The following CUX2 variants were observed in gnomAD, a reference collection of about 807,000 sequenced individuals.
The protein encoded by CUX2 is cut like homeobox 2.
CUX2 carries 40 observed loss-of-function variants against 144.8 expected under a neutral mutation model. That is an observed-to-expected ratio of 0.28 (90% CI 0.21 to 0.36). The LOEUF is 0.36. Among genes scored for constraint, CUX2 ranks in the 10% least tolerant of loss-of-function variants. The pLI is 1.00. For missense variants in CUX2, 1,615 were observed against 1,994.0 expected (o/e 0.81, Z 3.62); for synonymous variants, 827 against 875.6 (o/e 0.94, Z 0.98).
At position 111,061,487 on chromosome 12, in the gene CUX2, A is replaced by G. The variant is rs1870772403; in HGVS notation, c.63+27247A>G. Among the ~76,000 whole-genome samples, 1 of 152,186 alleles carries G rather than the reference A, an allele frequency of 6.6e-6. No homozygotes were observed. Among genetic ancestry groups the G allele is most frequent in the African/African-American group, 2.4e-5 (1 of 41,448 alleles). ...TTATGGAAGACAAAGTCGCCCCATT[A>G]TCGGAGGGCTTTACAAATAGAGAAA... On this transcript the variant is annotated intron_variant, in intron 1 of 21. Transcript: ENST00000261726. The surrounding 1 kb of genome is among the most constrained non-coding windows in gnomAD (Gnocchi z 4.2).
intron 4 of CUX2, among the ~76,000 whole-genome samples, chr12:111,267,686 C>T (rs1884452679): frequency 6.6e-6 from 1 of 152,216 alleles, no homozygotes; most frequent in Admixed American, 6.5e-5. Context: ...TATACTTTCT[C>T]TGAAGGCTCA....
intron 1 of CUX2, among the ~76,000 whole-genome samples, chr12:111,162,266 T>C (rs896981424): frequency 2.7e-4 from 41 of 152,190 alleles, no homozygotes; most frequent in African/African-American, 9.6e-4. Context: ...TCTGTTCCCC[T>C]ACCCCAGCCC....
At chr12:111,108,162 G>A (rs1361067066) in intron 1 of CUX2, among the ~76,000 whole-genome samples, 1 of 152,180 alleles carries the variant, frequency 6.6e-6, no homozygotes, top group African/African-American at 2.4e-5. Context: ...TGAGAATGCA[G>A]GGTGTTTACT....
Position 111,312,259 on chromosome 12 carries a change from G to A in CUX2, c.2002+58G>A. The A allele has an allele frequency of 1.4e-6, 2 of 1,456,478 alleles. No individual in the cohort carries two copies. The highest frequency in any genetic ancestry group is 2.5e-5 in the East Asian group (1 of 40,056). The allele number at this position is 1,456,478 out of a possible 1,614,324, so 90.2% of individuals were successfully genotyped here. On this transcript the variant is annotated intron_variant, in intron 16 of 21. Transcript: ENST00000261726. The surrounding 1 kb of genome is among the most constrained non-coding windows in gnomAD (Gnocchi z 4.3). ...CCCCCGGGGCCAGCTGCGAACAGGA[G>A]ATGAGGCTTCGTCTACCTTTGTCCA...
chr12:111,253,453 A>G (rs1188023033), intron 3 of CUX2, among the ~76,000 whole-genome samples: 9 of 151,064 alleles, frequency 6.0e-5, no homozygotes, highest in Non-Finnish European at 1.3e-4. Flanking sequence ...ACTCTTTCCC[A>G]AAGCTCCCCA....
chr12:111,036,516 A>G (rs76518476), intron 1 of CUX2, among the ~76,000 whole-genome samples: 3,113 of 152,116 alleles, frequency 0.02, 35 homozygotes, highest in Middle Eastern at 0.068. Flanking sequence ...TAGAAGATGC[A>G]TAGATGGAAA....
At chr12:111,276,644 TTTG>T (rs1335274929) in intron 4 of CUX2, among the ~76,000 whole-genome samples, 2 of 116,762 alleles carry the variant, frequency 1.7e-5, no homozygotes, top group African/African-American at 1.0e-4. Context: ...TGTTTGTTTG[TTTG>T]TTTTGTTTTG....
chr12:111,179,593 GGTTGTTGTTGTT>G (rs150316221), intron 1 of CUX2, among the ~76,000 whole-genome samples: 2 of 151,282 alleles, frequency 1.3e-5, no homozygotes, highest in African/African-American at 4.9e-5. Context: ...CCATCGCCGT[GGTTGTTGTTGTT>G]GTTGTTGTTG....
chr12:111,082,112 G>C lies in CUX2; in HGVS notation c.63+47872G>C, dbSNP rs534474356. Among the ~76,000 whole-genome samples the C allele has an allele frequency of 3.9e-5, 6 of 152,286 alleles. No individual in the cohort carries two copies. In the East Asian group the frequency reaches 1.2e-3, roughly 29 times the overall value. On this transcript the variant is annotated intron_variant, in intron 1 of 21. Transcript: ENST00000261726. ...AGCATAGAGAATGTATCATTTTGCCGTTTTAAATCAACCTTCTACAAAAGG... is the reference window on the plus strand; with the variant it reads ...AGCATAGAGAATGTATCATTTTGCCCTTTTAAATCAACCTTCTACAAAAGG...
intron 3 of CUX2, among the ~76,000 whole-genome samples, chr12:111,251,874 C>G (rs1309144050): frequency 6.6e-6 from 1 of 152,064 alleles, no homozygotes; most frequent in Non-Finnish European, 1.5e-5. Context: ...GTCTGTCTCT[C>G]TGTCTCTCTA....
At chr12:111,294,295 A>T (rs757705006) in intron 6 of CUX2, among the ~76,000 whole-genome samples, 5 of 152,162 alleles carry the variant, frequency 3.3e-5, no homozygotes, top group Non-Finnish European at 7.3e-5. Flanking sequence ...TTTAGCAGAG[A>T]CAGGATTTCA....
At position 111,081,422 on chromosome 12, in the gene CUX2, G is replaced by A. The variant is rs1871878618; in HGVS notation, c.63+47182G>A. Reference sequence around the variant, plus strand: ...AAAGCCACTGCCAAGCAGCACATGTGGTGTAGTTTCTGTAAATTAAGAAAG... The same window carrying A: ...AAAGCCACTGCCAAGCAGCACATGTAGTGTAGTTTCTGTAAATTAAGAAAG... On this transcript the variant is annotated intron_variant, in intron 1 of 21. Coordinates refer to ENST00000261726, the MANE Select transcript of CUX2 (RefSeq NM_015267.4). Among the ~76,000 whole-genome samples, 6 of 152,084 alleles carry A rather than the reference G, an allele frequency of 3.9e-5. No homozygotes were observed. The South Asian group carries it at 1.2e-3, about 32-fold the overall frequency.
chr12:111,319,966 G>A lies in CUX2; in HGVS notation c.2003-46G>A, dbSNP rs748576119. ...CTGTGAACATCGTCCCCTGCATGCC[G>A]AGCCCTGACCCTGGGCCTCGGGCCG... On this transcript the variant is annotated intron_variant, in intron 16 of 21. Transcript: ENST00000261726. 3.0e-5 allele frequency: 42 copies of A among 1,422,926 alleles called. No individual in the cohort carries two copies. The Admixed American group carries it at 3.0e-4, about 10-fold the overall frequency. 88.1% of individuals were successfully genotyped at this position (1,422,926 alleles called of 1,614,324 possible).
intron 1 of CUX2, among the ~76,000 whole-genome samples, chr12:111,204,847 G>A (rs1349789681): frequency 6.6e-6 from 1 of 152,182 alleles, no homozygotes; most frequent in East Asian, 1.9e-4. Context: ...CTGGGAGTTT[G>A]CTAAGAAGTT....
chr12:111,263,915 T>A lies in CUX2; in HGVS notation c.301+76T>A. The A allele has an allele frequency of 7.2e-7, 1 of 1,382,676 alleles. No homozygotes were observed. Among genetic ancestry groups the A allele is most frequent in the East Asian group, 2.3e-5 (1 of 43,706 alleles). 85.7% of individuals were successfully genotyped at this position (1,382,676 alleles called of 1,614,324 possible). A position where few individuals can be genotyped will look rare whatever the true frequency, so the allele number is the denominator to read the frequency against. On this transcript the variant is annotated intron_variant, in intron 4 of 21. Transcript: ENST00000261726. The surrounding 1 kb of genome is among the most constrained non-coding windows in gnomAD (Gnocchi z 4.0). ...CATTAGGACTGTGACACAGGGACTT[T>A]GAGGTGGGATGTGGGGACATGCCTG... is the stretch of plus-strand genomic sequence containing the variant.
intron 4 of CUX2, among the ~76,000 whole-genome samples, chr12:111,285,881 G>C (rs1421326077): frequency 6.6e-6 from 1 of 152,262 alleles, no homozygotes; most frequent in Admixed American, 6.5e-5. Flanking sequence ...GGGCAGCACA[G>C]TGTGAGAGGA....
intron 20 of CUX2, among the ~76,000 whole-genome samples, chr12:111,339,053 CA>C (rs1181220357): frequency 6.6e-6 from 1 of 151,936 alleles, no homozygotes; most frequent in East Asian, 1.9e-4. Flanking sequence ...GCCAATATGG[CA>C]AAACCCTGTC....
intron 1 of CUX2, among the ~76,000 whole-genome samples, chr12:111,156,927 A>G (rs866252301): frequency 6.4e-5 from 9 of 139,790 alleles, no homozygotes; most frequent in Admixed American, 3.7e-4. Context: ...CGGAGACTGC[A>G]GTGAGCCAAG....
rs529234192 is a variant in CUX2, at chr12:111,224,412, A to G, written c.222+6475A>G. On this transcript the variant is annotated intron_variant, in intron 3 of 21. Coordinates refer to ENST00000261726, the MANE Select transcript of CUX2 (RefSeq NM_015267.4). ...CTGCTCTGGCCCCGAGCCCCCACCC[A>G]GCCCCATGTGCTGCGTCCTTCTTTG... is the stretch of plus-strand genomic sequence containing the variant. Among the ~76,000 whole-genome samples the G allele has an allele frequency of 3.7e-4, 55 of 148,650 alleles. 1 individual carries two copies. The highest frequency in any genetic ancestry group is 2.5e-3 in the Admixed American group (38 of 14,968).
Sources: gnomAD v4.1 joint callset for allele counts (sites outside exome capture counted in the v4.1 genomes callset) on GRCh38, gnomAD v4.1.1 for gene constraint, Gnocchi (gnomAD v3.1) non-coding constraint, MANE v1.5 for transcripts, NCBI Gene and HGNC (gene_info 2026-07-23, HGNC 2026-07-21) for gene names.